Variants in RUFY1 observed in about 807,000 individuals in gnomAD.
RUFY1 encodes the protein RUN and FYVE domain-containing protein 1.
A neutral mutation model predicts 94.6 loss-of-function variants in RUFY1; 54 were observed. The observed-to-expected ratio is 0.57, with a 90% CI of 0.46 to 0.72. The LOEUF is 0.72. Ranked by LOEUF, RUFY1 falls within the 30% of genes least tolerant of loss-of-function variation. RUFY1 has a pLI of 0.00. For synonymous variants in RUFY1, 396 were observed against 347.3 expected, an observed-to-expected ratio of 1.14 and a Z score of -1.56; for missense variants, 883 against 883.9, an observed-to-expected ratio of 1.00 and a Z score of 0.01.
At chr5:179,597,434 A>G (rs776692882) in intron 13 of RUFY1, among the ~76,000 whole-genome samples, 3 of 152,044 alleles carry the variant, frequency 2.0e-5, no homozygotes, top group Non-Finnish European at 4.4e-5. Flanking sequence ...ACGGGGTTTC[A>G]CTGTGTTAAC....
intron 1 of RUFY1, 47 bp downstream of exon 1, chr5:179,550,926 C>T: frequency 9.5e-7 from 1 of 1,048,104 alleles, no homozygotes; most frequent in East Asian, 8.3e-5. Context: ...CGTGTCCCCG[C>T]TGGCCGCCGG....
intron 3 of RUFY1, among the ~76,000 whole-genome samples, chr5:179,566,988 A>C (rs2127521267): frequency 6.6e-6 from 1 of 152,234 alleles, no homozygotes; most frequent in Non-Finnish European, 1.5e-5. Context: ...CAGGAGGCGG[A>C]GGTTGCAATG....
At chr5:179,574,621 T>C (rs1763483498) in intron 5 of RUFY1, among the ~76,000 whole-genome samples, 2 of 152,170 alleles carry the variant, frequency 1.3e-5, no homozygotes, top group Admixed American at 1.3e-4. Context: ...AAGACAATTT[T>C]TAAAGTCATT....
At chr5:179,551,723 C>A (rs970484202) in intron 1 of RUFY1, among the ~76,000 whole-genome samples, 1 of 147,970 alleles carries the variant, frequency 6.8e-6, no homozygotes, top group Admixed American at 6.8e-5. Context: ...CCATCTTGGC[C>A]AGGCTGGTCT....
chr5:179,584,133 C>G (rs1002467798), intron 7 of RUFY1, among the ~76,000 whole-genome samples: 8 of 152,118 alleles, frequency 5.3e-5, no homozygotes, highest in African/African-American at 1.9e-4. Flanking sequence ...ACTCTTAAAA[C>G]TTTCCATTCC....
At chr5:179,587,665 G>A (rs940221537) in intron 8 of RUFY1, among the ~76,000 whole-genome samples, 1 of 149,844 alleles carries the variant, frequency 6.7e-6, no homozygotes, top group African/African-American at 2.5e-5. Context: ...CTCCCAAAGT[G>A]CTGGGATTAC....
At chr5:179,592,241 T>C (rs1205259383) in intron 10 of RUFY1, among the ~76,000 whole-genome samples, 1 of 152,186 alleles carries the variant, frequency 6.6e-6, no homozygotes, top group African/African-American at 2.4e-5. Context: ...TGCCTCAGCC[T>C]CCAGAGTAGC....
At chr5:179,604,346 T>C (rs1362704573) in intron 15 of RUFY1, among the ~76,000 whole-genome samples, 3 of 152,232 alleles carry the variant, frequency 2.0e-5, no homozygotes, top group African/African-American at 7.2e-5. Flanking sequence ...TCCAGTTTCA[T>C]TGGCTTGGGA....
chr5:179,602,090 C>T, intron 15 of RUFY1, 104 bp downstream of exon 15: 1 of 883,502 alleles, frequency 1.1e-6, no homozygotes, highest in Non-Finnish European at 1.8e-6. Context: ...GAGGGTGGGC[C>T]ATTTAGGAGC....
Position 179,596,644 on chromosome 5 carries a change from G to C in RUFY1, c.1594G>C (p.Ala532Pro). Reference sequence around the variant, plus strand: ...GCAGGAGCTGGGCGGGAGGATCGGCGCCCTGCAGCTGCAGCTCTCCCAGCT... The same window carrying C: ...GCAGGAGCTGGGCGGGAGGATCGGCCCCCTGCAGCTGCAGCTCTCCCAGCT... ...LQQELGGRIG[A>P]LQLQLSQLHE... Residue 532 changes from alanine to proline, a missense_variant, in exon 13 of 18, where the codon GCC becomes CCC. Transcript: ENST00000319449. 1 of 1,609,716 alleles carries C rather than the reference G, an allele frequency of 6.2e-7. No individual in the cohort carries two copies. Among genetic ancestry groups the C allele is most frequent in the Non-Finnish European group, 8.5e-7 (1 of 1,178,722 alleles).
chr5:179,609,222 AAAAG>A (rs1767460403), intron 17 of RUFY1, among the ~76,000 whole-genome samples, 150 bp from the exon 18 acceptor site: 2 of 150,964 alleles, frequency 1.3e-5, no homozygotes, highest in African/African-American at 4.8e-5. Context: ...AAAAAAAAAA[AAAAG>A]ACCCTTGTTT....
intron 16 of RUFY1, 85 bp from the exon 17 acceptor site, chr5:179,607,497 G>A (rs1767225775): frequency 1.8e-6 from 2 of 1,087,980 alleles, no homozygotes; most frequent in African/African-American, 1.5e-5. Context: ...TGCTATGAGG[G>A]ACAATGGATG....
chr5:179,609,226 G>A (rs1009724631), intron 17 of RUFY1, 150 bp from the exon 18 acceptor site: 291 of 305,126 alleles, frequency 9.5e-4, no homozygotes, highest in South Asian at 3.6e-3. Flanking sequence ...AAAAAAAAAA[G>A]ACCCTTGTTT....
At chr5:179,587,559 ATTTTTT>A (rs34633958) in intron 8 of RUFY1, among the ~76,000 whole-genome samples, 1 of 108,092 alleles carries the variant, frequency 9.3e-6, no homozygotes. Flanking sequence ...GCCCGGCTAA[ATTTTTT>A]TTTTTTTTTT....
chr5:179,599,986 G>A (rs1480434177), intron 14 of RUFY1: 2 of 152,320 alleles, frequency 1.3e-5, no homozygotes, highest in Non-Finnish European at 2.9e-5. Context: ...GCTTCCTCAA[G>A]AGCCAGATCA....
chr5:179,555,210 C>T (rs1407571824), intron 1 of RUFY1, among the ~76,000 whole-genome samples: 1 of 152,118 alleles, frequency 6.6e-6, no homozygotes, highest in South Asian at 2.1e-4. Flanking sequence ...GCAGGTGGCT[C>T]ATGCCTGTAA....
chr5:179,566,138 CA>C (rs923122282), intron 3 of RUFY1, among the ~76,000 whole-genome samples: 93 of 142,330 alleles, frequency 6.5e-4, no homozygotes, highest in Admixed American at 6.3e-4. Context: ...ACCCTGTCTC[CA>C]AAAAAAAAAA....
In RUFY1 at chr5:179,562,540, C is replaced by T; in HGVS notation, c.485-7C>T. 1 of 1,555,462 alleles carries T rather than the reference C, an allele frequency of 6.4e-7. No homozygotes were observed. The highest frequency in any genetic ancestry group is 1.7e-5 in the Admixed American group (1 of 58,286). ...CTTATGAATAACACTTTTGTTTTTC[C>T]TTTTAGTTAAGAAGAGTTTTATTGG... On this transcript the variant is annotated splice_region_variant and splice_polypyrimidine_tract_variant and intron_variant, in intron 2 of 17. Transcript: ENST00000319449.
At chr5:179,581,516 G>A (rs577904255) in intron 7 of RUFY1, among the ~76,000 whole-genome samples, 13 of 150,602 alleles carry the variant, frequency 8.6e-5, no homozygotes, top group Non-Finnish European at 1.6e-4. Context: ...TATTTGTGGG[G>A]AATGTGGAGA....
Sources: gnomAD v4.1 joint callset for allele counts (sites outside exome capture counted in the v4.1 genomes callset) on GRCh38, gnomAD v4.1.1 for gene constraint, MANE v1.5 for transcripts, NCBI Gene and HGNC (gene_info 2026-07-23, HGNC 2026-07-21) for gene names.